DTNBP1: variants seen among roughly 807,000 people sequenced by gnomAD.
DTNBP1 encodes the protein dysbindin.
DTNBP1 carries 35 observed loss-of-function variants against 42.8 expected under a neutral mutation model. That is an observed-to-expected ratio of 0.82 (90% confidence interval 0.63 to 1.09). The LOEUF (loss-of-function observed/expected upper bound fraction) is 1.09, where lower values mean the gene tolerates loss of function less well. DTNBP1 is among the 50% of genes least tolerant of loss of function. The pLI, the probability that DTNBP1 is intolerant of heterozygous loss-of-function variation, is 0.00. For synonymous variants in DTNBP1, 171 were observed against 162.2 expected (o/e 1.05, Z -0.41); for missense variants, 457 against 424.2 (o/e 1.08, Z -0.68).
intron 7 of DTNBP1, among the ~76,000 whole-genome samples, chr6:15,567,949 C>T (rs1301776004): frequency 6.6e-6 from 1 of 152,080 alleles, no homozygotes; most frequent in South Asian, 2.1e-4. Flanking sequence ...AGTTGCTATG[C>T]GGATTAATGA....
chr6:15,548,139 G>T lies in DTNBP1; in HGVS notation c.512-14744C>A, dbSNP rs190977287. Among the ~76,000 whole-genome samples, 5 of 152,216 alleles carry T rather than the reference G, an allele frequency of 3.3e-5. No homozygotes were observed. In the East Asian group the frequency reaches 9.7e-4, roughly 29 times the overall value. On this transcript the variant is annotated intron_variant, in intron 7 of 9. Transcript: ENST00000344537. The stretch of plus-strand genomic sequence containing the variant: ...ACCTAAGGTATTCAAAGATTTAAGA[G>T]ATTTCTGAATTATTAAAACATTTTA...
At chr6:15,523,421 C>T (rs1772060226) in intron 9 of DTNBP1, 1 of 1,243,204 alleles carries the variant, frequency 8.0e-7, no homozygotes, top group African/African-American at 1.5e-5. Context: ...CCTGCGGTGA[C>T]CCTTCTGTCC....
At chr6:15,659,604 G>C (rs888624889) in intron 1 of DTNBP1, among the ~76,000 whole-genome samples, 1 of 148,220 alleles carries the variant, frequency 6.7e-6, no homozygotes, top group Non-Finnish European at 1.5e-5. Context: ...CCAGTCTGGA[G>C]TGCAGTGGTG....
At position 15,615,662 on chromosome 6, in the gene DTNBP1, G is replaced by A. The variant is rs558444145; in HGVS notation, c.356-263C>T. Among the ~76,000 whole-genome samples, 9 of 152,260 alleles carry A rather than the reference G, an allele frequency of 5.9e-5. No homozygotes were observed. The South Asian group carries it at 1.9e-3, about 32-fold the overall frequency. ...TTAACCAGGAAGACAAAGAAATGGAGAAACATTATCTTGATTAACGTAATG... is the reference window on the plus strand; with the variant it reads ...TTAACCAGGAAGACAAAGAAATGGAAAAACATTATCTTGATTAACGTAATG... On this transcript the variant is annotated intron_variant, in intron 5 of 9. Transcript: ENST00000344537.
chr6:15,551,933 T>G (rs1774235387), intron 7 of DTNBP1, among the ~76,000 whole-genome samples: 1 of 152,096 alleles, frequency 6.6e-6, no homozygotes, highest in Non-Finnish European at 1.5e-5. Context: ...ACGTTTGAGG[T>G]GCAGTGATGC....
intron 7 of DTNBP1, among the ~76,000 whole-genome samples, chr6:15,590,775 G>A (rs998689980): frequency 4.6e-5 from 7 of 152,154 alleles, no homozygotes; most frequent in Non-Finnish European, 8.8e-5. Flanking sequence ...GAAGGTGAAC[G>A]TAACTCATCA....
At chr6:15,570,914 G>C (rs1775311661) in intron 7 of DTNBP1, among the ~76,000 whole-genome samples, 1 of 152,152 alleles carries the variant, frequency 6.6e-6, no homozygotes, top group South Asian at 2.1e-4. Context: ...AGGTATTACA[G>C]AAATATAACA....
At chr6:15,570,770 G>A (rs1775306176) in intron 7 of DTNBP1, among the ~76,000 whole-genome samples, 1 of 152,194 alleles carries the variant, frequency 6.6e-6, no homozygotes, top group South Asian at 2.1e-4. Flanking sequence ...CACTTAAAGG[G>A]GGTAAAAGTT....
At chr6:15,563,381 TA>T (rs1774928143) in intron 7 of DTNBP1, among the ~76,000 whole-genome samples, 1 of 152,104 alleles carries the variant, frequency 6.6e-6, no homozygotes, top group Non-Finnish European at 1.5e-5. Context: ...TCATCAAAAT[TA>T]AAAACTTTTA....
rs1330151712 is a variant in DTNBP1, at chr6:15,544,812, A to C, written c.512-11417T>G. Among the ~76,000 whole-genome samples the C allele has an allele frequency of 2.6e-5, 4 of 152,238 alleles. No individual in the cohort carries two copies. In the East Asian group the frequency reaches 7.7e-4, roughly 29 times the overall value. On this transcript the variant is annotated intron_variant, in intron 7 of 9. Coordinates refer to ENST00000344537, the MANE Select transcript of DTNBP1 (RefSeq NM_032122.5). Reference sequence around the variant, plus strand: ...AGATAAGGGATATGTAATTGTACAGACTGTTTCCTTTTCTCTCTCTTTTCT... The same window carrying C: ...AGATAAGGGATATGTAATTGTACAGCCTGTTTCCTTTTCTCTCTCTTTTCT...
intron 4 of DTNBP1, among the ~76,000 whole-genome samples, chr6:15,634,483 A>AT (rs1284978566): frequency 6.6e-6 from 1 of 151,868 alleles, no homozygotes. Context: ...CACCAGGCTA[A>AT]TTTTTTGTAT....
intron 7 of DTNBP1, among the ~76,000 whole-genome samples, chr6:15,555,419 AG>A (rs1289210637): frequency 2.0e-5 from 3 of 152,032 alleles, no homozygotes; most frequent in Non-Finnish European, 4.4e-5. Context: ...AGGATGAGAT[AG>A]GAAGTCAGCA....
chr6:15,662,592 G>A (rs1296308386), intron 1 of DTNBP1, among the ~76,000 whole-genome samples: 1 of 152,106 alleles, frequency 6.6e-6, no homozygotes, highest in Admixed American at 6.5e-5. Context: ...TCCCGGTCCT[G>A]GGGGGTGCGC....
intron 3 of DTNBP1, among the ~76,000 whole-genome samples, chr6:15,645,274 C>G (rs1483580791): frequency 6.6e-6 from 1 of 151,142 alleles, no homozygotes; most frequent in Admixed American, 6.6e-5. Flanking sequence ...TTACGAAATT[C>G]AATCAGTAAT....
chr6:15,527,925 GA>G (rs1422776324), intron 8 of DTNBP1, among the ~76,000 whole-genome samples: 2 of 152,008 alleles, frequency 1.3e-5, no homozygotes, highest in African/African-American at 2.4e-5. Flanking sequence ...ATAACTATCA[GA>G]AAAAAAGAAT....
intron 8 of DTNBP1, among the ~76,000 whole-genome samples, chr6:15,532,345 A>G (rs990791633): frequency 3.3e-5 from 5 of 152,252 alleles, no homozygotes; most frequent in African/African-American, 1.2e-4. Flanking sequence ...TGTTCCTTAC[A>G]GCACTATTTA....
chr6:15,642,059 C>T (rs768645080), intron 3 of DTNBP1, among the ~76,000 whole-genome samples: 13 of 152,112 alleles, frequency 8.5e-5, no homozygotes, highest in East Asian at 3.9e-4. Context: ...CATCTTGTAG[C>T]GGCTCCACCT....
intron 7 of DTNBP1, among the ~76,000 whole-genome samples, chr6:15,560,913 A>C (rs1205659453): frequency 6.6e-6 from 1 of 152,248 alleles, no homozygotes; most frequent in Non-Finnish European, 1.5e-5. Context: ...AAGAGCCTAT[A>C]CAGCAAAAAT....
chr6:15,571,450 C>G (rs1305612338), intron 7 of DTNBP1, among the ~76,000 whole-genome samples: 1 of 152,170 alleles, frequency 6.6e-6, no homozygotes, highest in African/African-American at 2.4e-5. Context: ...GAAGAATTTT[C>G]CCTCCTTCTG....
Sources: gnomAD v4.1 joint callset for allele counts (sites outside exome capture counted in the v4.1 genomes callset) on GRCh38, gnomAD v4.1.1 for gene constraint, MANE v1.5 for transcripts, NCBI Gene and HGNC (gene_info 2026-07-23, HGNC 2026-07-21) for gene names.